Variants in MAP7 observed in about 807,000 individuals in gnomAD.
The protein encoded by MAP7 is microtubule associated protein 7, also known as ensconsin.
Under a neutral mutation model 94.8 loss-of-function variants are expected in MAP7, and 52 were observed. The observed-to-expected ratio is 0.55, with a 90% CI of 0.44 to 0.69. MAP7 has a LOEUF of 0.69. Among genes scored for constraint, MAP7 ranks in the 30% least tolerant of loss-of-function variants. The pLI is 0.00. For synonymous variants in MAP7, 350 were observed against 357.0 expected (o/e 0.98, Z 0.22); for missense variants, 940 against 964.6 (o/e 0.97, Z 0.34).
intron 2 of MAP7, among the ~76,000 whole-genome samples, chr6:136,413,537 A>G (rs1788203823): frequency 6.6e-6 from 1 of 152,098 alleles, no homozygotes; most frequent in Admixed American, 6.5e-5. Flanking sequence ...AAAAAAAAAA[A>G]AAAGAAAAGA....
chr6:136,394,691 G>C (rs1409805314), intron 3 of MAP7, among the ~76,000 whole-genome samples: 1 of 150,824 alleles, frequency 6.6e-6, no homozygotes, highest in Non-Finnish European at 1.5e-5. Flanking sequence ...GCTGTATTTT[G>C]TAACCATTAA....
intron 1 of MAP7, among the ~76,000 whole-genome samples, chr6:136,473,974 G>T (rs1229450032): frequency 1.3e-5 from 2 of 151,986 alleles, no homozygotes; most frequent in Non-Finnish European, 2.9e-5. Flanking sequence ...AACAATATTG[G>T]GGGTGGGAGG....
At position 136,421,704 on chromosome 6, in the gene MAP7, G is replaced by T; in HGVS notation, c.163C>A (p.Pro55Thr). The change falls in exon 2 of 18, where the codon CCA becomes ACA. Residue 55 changes from proline to threonine, a missense_variant. Pro to Thr is a conservative substitution (Grantham distance 38). Transcript: ENST00000354570. ...GQNNNHSGNK[P>T]DPPPVLRVDD... ...CAGTTAATGCAATGCATCATACCTG[G>T]TTTATTTCCTGAGTGGTTGTTATTT... 7 of 1,613,436 alleles carry T rather than the reference G, an allele frequency of 4.3e-6. No individual in the cohort carries two copies. Among genetic ancestry groups the T allele is most frequent in the Non-Finnish European group, 5.9e-6 (7 of 1,179,476 alleles).
At chr6:136,519,476 A>G (rs1210939297) in intron 1 of MAP7, among the ~76,000 whole-genome samples, 1 of 152,230 alleles carries the variant, frequency 6.6e-6, no homozygotes, top group Non-Finnish European at 1.5e-5. Flanking sequence ...AGGCATTCAT[A>G]TTTCTTATTC....
At chr6:136,454,763 G>A (rs772091394) in intron 1 of MAP7, among the ~76,000 whole-genome samples, 1 of 152,042 alleles carries the variant, frequency 6.6e-6, no homozygotes, top group Non-Finnish European at 1.5e-5. Context: ...GCCAGGTGAG[G>A]TGACCCTCAC....
chr6:136,417,222 A>G lies in MAP7; in HGVS notation c.166+4479T>C, dbSNP rs6916668. ...TTCTCACAAGGAAAAAGGGTTTAAG[A>G]GGAATAGAACTTAGGCTTAATTAAG... On this transcript the variant is annotated intron_variant, in intron 2 of 17. Transcript: ENST00000354570. 5.6e-3 allele frequency among the ~76,000 whole-genome samples: 855 copies of G among 152,348 alleles called. 4 individuals carry two copies. The highest frequency in any genetic ancestry group is 0.02 in the African/African-American group (824 of 41,584).
intron 1 of MAP7, among the ~76,000 whole-genome samples, chr6:136,449,226 C>T (rs1800342757): frequency 6.6e-6 from 1 of 152,014 alleles, no homozygotes; most frequent in Non-Finnish European, 1.5e-5. Context: ...ACCCAGGAGG[C>T]GGAGCTCGCA....
intron 1 of MAP7, among the ~76,000 whole-genome samples, chr6:136,456,944 TG>T (rs1454337974): frequency 1.4e-5 from 2 of 148,008 alleles, no homozygotes; most frequent in African/African-American, 5.0e-5. Context: ...ATAAAGCTAG[TG>T]CAAGGAAGTA....
intron 1 of MAP7, among the ~76,000 whole-genome samples, chr6:136,528,519 A>AT (rs1475857877): frequency 2.0e-5 from 3 of 152,268 alleles, no homozygotes; most frequent in African/African-American, 7.2e-5. Context: ...TATTTACAAT[A>AT]GCAAAAGCAT....
At chr6:136,549,015 G>A (rs1829939816) in intron 1 of MAP7, among the ~76,000 whole-genome samples, 1 of 152,216 alleles carries the variant, frequency 6.6e-6, no homozygotes, top group East Asian at 1.9e-4. Context: ...CTCCCTACAG[G>A]AAGGAGCATG....
At chr6:136,392,471 T>C (rs1781073361) in intron 3 of MAP7, among the ~76,000 whole-genome samples, 1 of 151,722 alleles carries the variant, frequency 6.6e-6, no homozygotes, top group Non-Finnish European at 1.5e-5. Flanking sequence ...TCTAAGAGTC[T>C]TTTTAATGGC....
At chr6:136,447,305 G>T (rs1485572845) in intron 1 of MAP7, among the ~76,000 whole-genome samples, 1 of 152,196 alleles carries the variant, frequency 6.6e-6, no homozygotes, top group Non-Finnish European at 1.5e-5. Context: ...TCAGCAAAGT[G>T]AGTTAAACAT....
intron 1 of MAP7, among the ~76,000 whole-genome samples, chr6:136,424,566 C>G (rs1338902904): frequency 6.6e-6 from 1 of 152,176 alleles, no homozygotes; most frequent in Non-Finnish European, 1.5e-5. Flanking sequence ...TTGGAGCCTT[C>G]ATCTAGTGAA....
intron 1 of MAP7, among the ~76,000 whole-genome samples, chr6:136,508,697 G>T (rs1216783072): frequency 6.6e-6 from 1 of 152,172 alleles, no homozygotes; most frequent in African/African-American, 2.4e-5. Context: ...TGAACCATCA[G>T]TCAAAACCCA....
intron 11 of MAP7, 69 bp from the exon 12 acceptor site, chr6:136,361,248 T>A (rs1792677149): frequency 5.8e-6 from 9 of 1,544,078 alleles, no homozygotes; most frequent in Non-Finnish European, 7.9e-6. Context: ...GAGGCCTCCG[T>A]CGGTGGTTCT....
intron 5 of MAP7, among the ~76,000 whole-genome samples, chr6:136,387,011 T>C (rs566683162): frequency 3.0e-4 from 45 of 151,974 alleles, no homozygotes; most frequent in African/African-American, 1.0e-3. Flanking sequence ...AGATGGGGTC[T>C]ATGTTGCCCA....
At chr6:136,466,107 A>G (rs1806946403) in intron 1 of MAP7, among the ~76,000 whole-genome samples, 1 of 152,222 alleles carries the variant, frequency 6.6e-6, no homozygotes, top group Non-Finnish European at 1.5e-5. Context: ...CTCACTGTTT[A>G]CATATCATGA....
intron 1 of MAP7, among the ~76,000 whole-genome samples, chr6:136,459,630 T>A (rs1804524816): frequency 6.6e-6 from 1 of 152,164 alleles, no homozygotes; most frequent in African/African-American, 2.4e-5. Context: ...CATTATGCTA[T>A]GTGAAATAAG....
At position 136,365,849 on chromosome 6, in the gene MAP7, T is replaced by C. The variant is rs1794157267; in HGVS notation, c.1159A>G (p.Lys387Glu). 6.2e-7 allele frequency: 1 copy of C among 1,614,152 alleles called. No homozygotes were observed. The highest frequency in any genetic ancestry group is 2.2e-5 in the East Asian group (1 of 44,864). Residue 387 changes from lysine to glutamate, a missense_variant, in exon 10 of 18, where the codon AAG (lysine) becomes GAG (glutamate). Physicochemically the swap from Lys to Glu is moderately conservative, Grantham distance 56. Transcript: ENST00000354570. The stretch of plus-strand genomic sequence containing the variant: ...TCATTGGCAACTTTCTGAGGTTCCT[T>C]CTCAGGATCTTTCTTCTCAGGCTCC... ...KVEPEKKDPEKEPQKVANEPS... is the reference protein window; with the variant it reads ...KVEPEKKDPEEEPQKVANEPS...
Sources: allele counts gnomAD v4.1 joint callset (sites outside exome capture counted in the v4.1 genomes callset), GRCh38; gene constraint gnomAD v4.1.1; transcripts MANE v1.5; gene names NCBI Gene and HGNC (gene_info 2026-07-23, HGNC 2026-07-21).